Variants in ARAP3 observed in about 807,000 individuals in gnomAD.
ARAP3 encodes the protein ArfGAP with RhoGAP domain, ankyrin repeat and PH domain 3.
A neutral mutation model predicts 169.2 loss-of-function variants in ARAP3; 82 were observed. The observed-to-expected ratio is 0.48, with a 90% CI of 0.41 to 0.58. The LOEUF (loss-of-function observed/expected upper bound fraction) is 0.58, where lower values mean the gene tolerates loss of function less well. ARAP3 is among the 20% of genes least tolerant of loss of function. ARAP3 has a pLI of 0.00. For synonymous variants in ARAP3, 791 were observed against 800.3 expected, an observed-to-expected ratio of 0.99 and a Z score of 0.20; for missense variants, 1,764 against 2,018.0, an observed-to-expected ratio of 0.87 and a Z score of 2.41.
At position 141,680,477 on chromosome 5, in the gene ARAP3, G is replaced by A. The variant is rs759079348; in HGVS notation, c.10C>T (p.Pro4Ser). ...CACACAGCGATGTCCAGGTCCTGAGGGGCAGCCATGGGGGCTCAGGCCATT... is the reference window on the plus strand; with the variant it reads ...CACACAGCGATGTCCAGGTCCTGAGAGGCAGCCATGGGGGCTCAGGCCATT... Reference protein sequence around the residue: MAAPQDLDIAVWLA... With the variant: MAASQDLDIAVWLA... Residue 4 changes from proline to serine, a missense_variant, in exon 2 of 33, where the codon CCT (proline) becomes TCT (serine). Pro to Ser is a moderately conservative substitution (Grantham distance 74). Coordinates refer to ENST00000239440, the MANE Select transcript of ARAP3 (RefSeq NM_022481.6). The A allele has an allele frequency of 1.3e-6, 2 of 1,594,840 alleles. No individual in the cohort carries two copies. Among genetic ancestry groups the A allele is most frequent in the East Asian group, 2.2e-5 (1 of 44,646 alleles).
In ARAP3 at chr5:141,656,175, G is replaced by A. The variant is rs1374389321; in HGVS notation, c.3872+19C>T. ...AGGCAGGAAGGCCCTGGAAGTGCGG[G>A]CTGGGGAAGAAAACTCACGGTGTTG... On this transcript the variant is annotated intron_variant, in intron 28 of 32. Transcript: ENST00000239440. 1.9e-6 allele frequency: 3 copies of A among 1,614,020 alleles called. No homozygotes were observed. The highest frequency in any genetic ancestry group is 1.7e-6 in the Non-Finnish European group (2 of 1,180,014).
intron 4 of ARAP3, 127 bp from the exon 5 acceptor site, chr5:141,673,935 C>G (rs1248653180): frequency 1.9e-6 from 1 of 538,664 alleles, no homozygotes; most frequent in Non-Finnish European, 3.0e-6. Flanking sequence ...ATCTGATTTT[C>G]TTTTCTTTTT....
Position 141,670,553 on chromosome 5 carries a change from C to T in ARAP3, c.2066G>A (p.Ser689Asn). 6.2e-7 allele frequency: 1 copy of T among 1,614,086 alleles called. No homozygotes were observed. The highest frequency in any genetic ancestry group is 8.5e-7 in the Non-Finnish European group (1 of 1,179,960). Residue 689 changes from serine to asparagine, a missense_variant, in exon 14 of 33, where the codon AGC becomes AAC. By Grantham distance (46) the Ser-to-Asn change is conservative (BLOSUM62 1). Coordinates refer to ENST00000239440, the MANE Select transcript of ARAP3 (RefSeq NM_022481.6). The part of the protein sequence containing the change: ...YSGFLYCSPV[S>N]NKAGPSPPRR... ...AGGGGGTGAGGGTCCAGCTTTGTTG[C>T]TGACGGGACTGCAGTACAGGAAGCC...
intron 25 of ARAP3, among the ~76,000 whole-genome samples, chr5:141,657,420 C>T (rs1316070908): frequency 1.3e-5 from 2 of 152,190 alleles, no homozygotes; most frequent in Non-Finnish European, 2.9e-5. Flanking sequence ...TGGTAAGGGA[C>T]TGGAATGATA....
chr5:141,659,384 G>C (rs2099909647), intron 23 of ARAP3, 24 bp downstream of exon 23: 1 of 1,609,636 alleles, frequency 6.2e-7, no homozygotes, highest in Non-Finnish European at 8.5e-7. Flanking sequence ...CCCCATTCAG[G>C]AGACTAAGGT....
intron 6 of ARAP3, 126 bp from the exon 7 acceptor site, chr5:141,673,259 C>T (rs1268284668): frequency 3.9e-6 from 6 of 1,556,672 alleles, no homozygotes; most frequent in Non-Finnish European, 5.3e-6. Flanking sequence ...AGCTGCTAAG[C>T]CAGCTACTTT....
At position 141,679,817 on chromosome 5, in the gene ARAP3, G is replaced by C; in HGVS notation, c.530C>G (p.Pro177Arg). ...GGGGGCAGAGATTTGGGAGCTGTCTGGGGCCCTGAAGGGAAAGGTCTATTG... is the reference window on the plus strand; with the variant it reads ...GGGGGCAGAGATTTGGGAGCTGTCTCGGGCCCTGAAGGGAAAGGTCTATTG... ...GRAQAAQDKAPDSSQISAPTP... is the reference protein window; with the variant it reads ...GRAQAAQDKARDSSQISAPTP... Residue 177 changes from proline (P) to arginine (R), a missense_variant, in exon 3 of 33, where the codon CCA (proline) becomes CGA (arginine). Pro to Arg is a moderately radical substitution (Grantham distance 103). Around this residue, in one of 3 missense-constraint regions of ARAP3, gnomAD observed 630 missense variants for 678.7 expected, o/e 0.93. Transcript: ENST00000239440. 6.2e-7 allele frequency: 1 copy of C among 1,612,640 alleles called. No homozygotes were observed. Among genetic ancestry groups the C allele is most frequent in the South Asian group, 1.1e-5 (1 of 91,008 alleles).
rs764235848 is a variant in ARAP3 at position 141,664,976 on chromosome 5, G to A, written c.2746C>T (p.Arg916Trp). The stretch of plus-strand genomic sequence containing the variant: ...TCCACGATGATGGGGATGTCACCCC[G>A]GCTCATCTGCTGCTCCTGCAGCCCT... The part of the protein sequence containing the change: ...GTGLQEQQMS[R>W]GDIPIIVDAC... Residue 916 changes from arginine (R) to tryptophan (W), a missense_variant, in exon 19 of 33, where the codon CGG becomes TGG. This residue lies in a region of ARAP3 where 1,112 missense variants were observed against 1,285.7 expected (regional missense o/e 0.86). Transcript: ENST00000239440. 8.1e-6 allele frequency: 13 copies of A among 1,612,000 alleles called. No homozygotes were observed. The Middle Eastern group carries it at 6.6e-4, about 82-fold the overall frequency.
Position 141,672,999 on chromosome 5 carries a change from G to A in ARAP3, c.1093+14C>T. ...CCTCCCTCCTGCCCTGACTCAGGGG[G>A]CTGTGGCCCTCACCCTCGCTCTCTG... is the stretch of plus-strand genomic sequence containing the variant. On this transcript the variant is annotated intron_variant, in intron 7 of 32. Transcript: ENST00000239440. This position sits in a 1 kb window ranked among gnomAD's most constrained non-coding sequence, Gnocchi z 4.9. The A allele has an allele frequency of 6.2e-7, 1 of 1,614,166 alleles. No homozygotes were observed. The highest frequency in any genetic ancestry group is 1.1e-5 in the South Asian group (1 of 91,074).
chr5:141,658,765 C>CGA, intron 23 of ARAP3, 112 bp from the exon 24 acceptor site: 1 of 917,856 alleles, frequency 1.1e-6, no homozygotes, highest in East Asian at 2.7e-5. Context: ...AAGGTCTCCT[C>CGA]CCAACCCCAA....
At chr5:141,682,090 G>GC (rs2099913098) in intron 1 of ARAP3, 83 bp downstream of exon 1, 1 of 152,724 alleles carries the variant, frequency 6.5e-6, no homozygotes, top group African/African-American at 2.4e-5. Flanking sequence ...CGCCGAGGGG[G>GC]CCTGGGAGCC....
At chr5:141,661,086 C>T (rs1322677876) in intron 21 of ARAP3, among the ~76,000 whole-genome samples, 1 of 133,320 alleles carries the variant, frequency 7.5e-6, no homozygotes, top group Non-Finnish European at 1.6e-5. Flanking sequence ...TTTTTTGAGA[C>T]AAGATCTCCC....
At position 141,653,894 on chromosome 5, in the gene ARAP3, C is replaced by T. The variant is rs2099908848; in HGVS notation, c.*56G>A. The stretch of plus-strand genomic sequence containing the variant: ...GGCAGAGGAAGCTGCAACAGTGCCA[C>T]GATAAGAGTTTCTGGGTCTTCTGGT... On this transcript the variant is annotated 3_prime_UTR_variant, in exon 33 of 33. Coordinates refer to ENST00000239440, the MANE Select transcript of ARAP3 (RefSeq NM_022481.6). 1.0e-5 allele frequency: 15 copies of T among 1,506,342 alleles called. No individual in the cohort carries two copies. Among genetic ancestry groups the T allele is most frequent in the African/African-American group, 8.4e-5 (6 of 71,426 alleles). The allele number at this position is 1,506,342 out of a possible 1,614,324, so 93.3% of individuals were successfully genotyped here. A position where few individuals can be genotyped will look rare whatever the true frequency, so the allele number is the denominator to read the frequency against.
At chr5:141,680,993 T>C (rs562091465) in intron 1 of ARAP3, among the ~76,000 whole-genome samples, 1 of 152,212 alleles carries the variant, frequency 6.6e-6, no homozygotes, top group East Asian at 1.9e-4. Flanking sequence ...GCCCCCTCCC[T>C]CTTGTTTCCA....
chr5:141,677,620 G>T (rs2099912358), intron 4 of ARAP3, among the ~76,000 whole-genome samples: 1 of 151,996 alleles, frequency 6.6e-6, no homozygotes, highest in South Asian at 2.1e-4. Flanking sequence ...CTTCTCCTTT[G>T]GCCCCCTACA....
Position 141,672,232 on chromosome 5 carries a change from G to A in ARAP3, c.1455C>T (p.Thr485=). 1.2e-6 allele frequency: 2 copies of A among 1,614,206 alleles called. No homozygotes were observed. Among genetic ancestry groups the A allele is most frequent in the Non-Finnish European group, 1.7e-6 (2 of 1,180,026 alleles). The change falls in exon 10 of 33, where the codon ACC becomes ACT. Residue 485 remains threonine (T), a synonymous_variant. Coordinates refer to ENST00000239440, the MANE Select transcript of ARAP3 (RefSeq NM_022481.6). This position sits in a 1 kb window ranked among gnomAD's most constrained non-coding sequence, Gnocchi z 4.9. The part of the protein sequence containing the change: ...AAALQEAVTE[T]LSDYEVAEKI... The stretch of plus-strand genomic sequence containing the variant: ...TCTCAGCCACCTCGTAGTCAGACAG[G>A]GTCTCGGTTACTGCTTCCTGCAGAG...
chr5:141,672,233 G>T lies in ARAP3; in HGVS notation c.1454C>A (p.Thr485Asn). 6.2e-7 allele frequency: 1 copy of T among 1,614,242 alleles called. No homozygotes were observed. The highest frequency in any genetic ancestry group is 8.5e-7 in the Non-Finnish European group (1 of 1,180,034). Residue 485 changes from threonine (T) to asparagine (N), a missense_variant, in exon 10 of 33, where the codon ACC becomes AAC. Thr to Asn is a moderately conservative substitution (Grantham distance 65, BLOSUM62 0). Around this residue, in one of 3 missense-constraint regions of ARAP3, gnomAD observed 630 missense variants for 678.7 expected, o/e 0.93. Transcript: ENST00000239440. This position sits in a 1 kb window ranked among gnomAD's most constrained non-coding sequence, Gnocchi z 4.9. ...AAALQEAVTE[T>N]LSDYEVAEKI... Reference sequence around the variant, plus strand: ...CTCAGCCACCTCGTAGTCAGACAGGGTCTCGGTTACTGCTTCCTGCAGAGC... The same window carrying T: ...CTCAGCCACCTCGTAGTCAGACAGGTTCTCGGTTACTGCTTCCTGCAGAGC...
chr5:141,656,417 A>G, intron 27 of ARAP3, 87 bp downstream of exon 27: 5 of 1,582,682 alleles, frequency 3.2e-6, no homozygotes, highest in South Asian at 1.1e-5. Context: ...TGATGAGAGT[A>G]TGGGCTGTGG....
Position 141,671,970 on chromosome 5 carries a change from C to T in ARAP3, c.1596G>A (p.Arg532=). 7 of 1,614,150 alleles carry T rather than the reference C, an allele frequency of 4.3e-6. No homozygotes were observed. The highest frequency in any genetic ancestry group is 5.9e-6 in the Non-Finnish European group (7 of 1,180,002). Residue 532 remains arginine (R), a synonymous_variant, in exon 11 of 33, where the codon CGG becomes CGA. Transcript: ENST00000239440. The surrounding 1 kb of genome is among the most constrained non-coding windows in gnomAD (Gnocchi z 4.9). ...VICKQCAGQH[R]ALGSGISKVQ... ...CCTTGGAGATCCCAGAACCCAGGGCCCGGTGCTGACCTGTGAGGGTGTGAG... is the reference window on the plus strand; with the variant it reads ...CCTTGGAGATCCCAGAACCCAGGGCTCGGTGCTGACCTGTGAGGGTGTGAG...
Sources: allele counts gnomAD v4.1 joint callset (sites outside exome capture counted in the v4.1 genomes callset), GRCh38; gene constraint gnomAD v4.1.1; regional missense constraint gnomAD v4.1.1; non-coding constraint Gnocchi (gnomAD v3.1); transcripts MANE v1.5; gene names NCBI Gene and HGNC (gene_info 2026-07-23, HGNC 2026-07-21).